The following NTRK3 variants were observed in gnomAD, a reference collection of about 807,000 sequenced individuals.
The protein encoded by NTRK3 is neurotrophic receptor tyrosine kinase 3, also known as NT-3 growth factor receptor.
A neutral mutation model predicts 91.7 loss-of-function variants in NTRK3; 24 were observed. That is an observed-to-expected ratio of 0.26 (90% CI 0.19 to 0.37). NTRK3 has a LOEUF of 0.37. Ranked by LOEUF, NTRK3 falls within the 10% of genes least tolerant of loss-of-function variation. NTRK3 has a pLI of 1.00. For missense variants in NTRK3, 880 were observed against 1,068.9 expected, an observed-to-expected ratio of 0.82 and a Z score of 2.46; for synonymous variants, 483 against 404.0, an observed-to-expected ratio of 1.20 and a Z score of -2.34.
At chr15:88,058,184 C>T (rs2045896223) in intron 13 of NTRK3, among the ~76,000 whole-genome samples, 1 of 152,160 alleles carries the variant, frequency 6.6e-6, no homozygotes, top group South Asian at 2.1e-4. Flanking sequence ...ACTTGGATCG[C>T]TTTGGCCAAA....
intron 14 of NTRK3, among the ~76,000 whole-genome samples, chr15:87,988,099 A>C (rs551584554): frequency 6.6e-6 from 1 of 152,186 alleles, no homozygotes; most frequent in Non-Finnish European, 1.5e-5. Context: ...GACAAACACC[A>C]TCTCAGCCAG....
At chr15:88,034,659 C>T (rs2078909699) in intron 13 of NTRK3, among the ~76,000 whole-genome samples, 1 of 152,174 alleles carries the variant, frequency 6.6e-6, no homozygotes, top group African/African-American at 2.4e-5. Context: ...GAGAATATTT[C>T]CCATCAAATA....
At chr15:88,003,906 A>G (rs1231255713) in intron 14 of NTRK3, among the ~76,000 whole-genome samples, 2 of 148,130 alleles carry the variant, frequency 1.4e-5, no homozygotes, top group Non-Finnish European at 3.0e-5. Context: ...ATTGAGATGT[A>G]TTCTCATGGA....
At chr15:88,180,788 T>C (rs2046389871) in intron 5 of NTRK3, among the ~76,000 whole-genome samples, 1 of 151,786 alleles carries the variant, frequency 6.6e-6, no homozygotes, top group Non-Finnish European at 1.5e-5. Flanking sequence ...TGTAAATGCA[T>C]TTAGAGGACA....
At chr15:87,871,888 C>G (rs1596038974) in exon 19 of NTRK3, 3 of 220,840 alleles carry the variant, frequency 1.4e-5, no homozygotes, top group East Asian at 1.3e-4. Context: ...AACATTTTCC[C>G]AAGCCCATAT....
chr15:87,898,451 G>A (rs1051391362), intron 17 of NTRK3, among the ~76,000 whole-genome samples: 1 of 152,144 alleles, frequency 6.6e-6, no homozygotes, highest in African/African-American at 2.4e-5. Context: ...AGACACTCAG[G>A]AGGAGCAGCT....
At chr15:88,048,882 C>T (rs79154452) in intron 13 of NTRK3, among the ~76,000 whole-genome samples, 1,550 of 152,318 alleles carry the variant, frequency 0.01, 12 homozygotes, top group Non-Finnish European at 0.017. Context: ...CCCAGCACTG[C>T]TGTAAATACA....
intron 14 of NTRK3, among the ~76,000 whole-genome samples, chr15:87,963,635 A>G (rs1164355448): frequency 6.6e-6 from 1 of 152,212 alleles, no homozygotes; most frequent in Non-Finnish European, 1.5e-5. Context: ...CAGTGTTCTG[A>G]GCACATTTAA....
In NTRK3 at chr15:88,105,681, C is replaced by T. The variant is rs189792820; in HGVS notation, c.1396+20590G>A. On this transcript the variant is annotated intron_variant, in intron 13 of 18. Coordinates refer to ENST00000394480, the Ensembl canonical transcript of NTRK3. The stretch of plus-strand genomic sequence containing the variant: ...TTATATGTTCATCAAAGGAAAGGTA[C>T]CTCATGAGTGGAAATACACACACAC... Among the ~76,000 whole-genome samples, 98 of 152,164 alleles carry T rather than the reference C, an allele frequency of 6.4e-4. 1 individual carries two copies. Among genetic ancestry groups the T allele is most frequent in the African/African-American group, 2.3e-3 (94 of 41,508 alleles).
intron 5 of NTRK3, among the ~76,000 whole-genome samples, chr15:88,166,558 C>G (rs1302628027): frequency 1.3e-5 from 2 of 152,200 alleles, no homozygotes; most frequent in African/African-American, 2.4e-5. Context: ...GGCCATGGTG[C>G]TGAACCCCCA....
At chr15:88,002,887 C>G (rs933083446) in intron 14 of NTRK3, among the ~76,000 whole-genome samples, 5 of 152,052 alleles carry the variant, frequency 3.3e-5, no homozygotes, top group African/African-American at 9.7e-5. Flanking sequence ...GGAAGGAAGC[C>G]TGGGGAGTGG....
chr15:88,218,782 A>T (rs2141541761), intron 3 of NTRK3, among the ~76,000 whole-genome samples: 1 of 152,352 alleles, frequency 6.6e-6, no homozygotes, highest in Non-Finnish European at 1.5e-5. Context: ...TGCTCCGGTC[A>T]CAGGAGGCCC....
intron 3 of NTRK3, among the ~76,000 whole-genome samples, chr15:88,236,649 G>A (rs1395924146): frequency 6.3e-5 from 7 of 110,458 alleles, no homozygotes; most frequent in African/African-American, 2.2e-4. Flanking sequence ...GGGGAAGGAC[G>A]GAAGGGAGGA....
intron 14 of NTRK3, among the ~76,000 whole-genome samples, chr15:87,959,741 A>G (rs1365011040): frequency 6.6e-6 from 1 of 152,202 alleles, no homozygotes; most frequent in Non-Finnish European, 1.5e-5. Context: ...ACACCAACAC[A>G]AAAGGGCCAC....
chr15:88,004,432 T>C (rs1483968627), intron 14 of NTRK3, among the ~76,000 whole-genome samples: 1 of 152,182 alleles, frequency 6.6e-6, no homozygotes, highest in Non-Finnish European at 1.5e-5. Flanking sequence ...TTTTCATCAA[T>C]GGAAAATCCA....
chr15:88,147,280 C>A lies in NTRK3; in HGVS notation c.464+55G>T, dbSNP rs1397547896. 8 of 1,508,324 alleles carry A rather than the reference C, an allele frequency of 5.3e-6. No homozygotes were observed. In the Middle Eastern group the frequency reaches 5.1e-4, roughly 96 times the overall value. The allele number at this position is 1,508,324 out of a possible 1,614,324, so 93.4% of individuals were successfully genotyped here. A position where few individuals can be genotyped will look rare whatever the true frequency, so the allele number is the denominator to read the frequency against. The stretch of plus-strand genomic sequence containing the variant: ...GGTTCCACTGCTTGACACTCCTCCC[C>A]ATCCACCCATTACCAGCACTTCAGT... On this transcript the variant is annotated intron_variant, in intron 6 of 18. Transcript: ENST00000394480.
At chr15:87,931,554 C>T (rs891276072) in intron 16 of NTRK3, among the ~76,000 whole-genome samples, 10 of 152,200 alleles carry the variant, frequency 6.6e-5, no homozygotes, top group African/African-American at 2.4e-4. Context: ...TAATAACTTG[C>T]TCCAATTTGC....
chr15:87,885,796 T>C, intron 17 of NTRK3, 61 bp from the exon 18 acceptor site: 1 of 758,716 alleles, frequency 1.3e-6, no homozygotes, highest in East Asian at 3.3e-5. Flanking sequence ...GTATTCTTTA[T>C]CCTCAGAAAA....
chr15:88,071,087 A>G (rs528514310), intron 13 of NTRK3, among the ~76,000 whole-genome samples: 1 of 152,330 alleles, frequency 6.6e-6, no homozygotes, highest in South Asian at 2.1e-4. Context: ...GTCCTAACTC[A>G]TCTTCACTGA....
Sources: gnomAD v4.1 joint callset for allele counts (sites outside exome capture counted in the v4.1 genomes callset) on GRCh38, gnomAD v4.1.1 for gene constraint, MANE v1.5 for transcripts, NCBI Gene and HGNC (gene_info 2026-07-23, HGNC 2026-07-21) for gene names.